CYP39A1: variants seen among roughly 807,000 people sequenced by gnomAD.
CYP39A1 encodes 24-hydroxycholesterol 7-alpha-hydroxylase.
A neutral mutation model predicts 58.1 loss-of-function variants in CYP39A1; 49 were observed. The observed-to-expected ratio is 0.84, with a 90% CI of 0.67 to 1.07. The LOEUF (loss-of-function observed/expected upper bound fraction) is 1.07, where lower values mean the gene tolerates loss of function less well. Among genes scored for constraint, CYP39A1 ranks in the 50% least tolerant of loss-of-function variants. The pLI is 0.00. For synonymous variants in CYP39A1, 209 were observed against 187.6 expected, an observed-to-expected ratio of 1.11 and a Z score of -0.93; for missense variants, 531 against 539.4, an observed-to-expected ratio of 0.98 and a Z score of 0.16.
Position 46,619,417 on chromosome 6 carries a change from TG to T in CYP39A1, c.931+6000del, listed in dbSNP as rs530861192. On this transcript the variant is annotated intron_variant, in intron 7 of 11. Transcript: ENST00000275016. Reference sequence around the variant, plus strand: ...TGTTGTTGGAGACGTTGCATTTTGGTGGGGTAAATACATAAATACACAAATA... The same window carrying T: ...TGTTGTTGGAGACGTTGCATTTTGGTGGGTAAATACATAAATACACAAATA... Among the ~76,000 whole-genome samples the T allele has an allele frequency of 6.7e-3, 1,022 of 152,196 alleles. 9 individuals are homozygous for T. Among genetic ancestry groups the T allele is most frequent in the South Asian group, 0.034 (163 of 4,824 alleles).
chr6:46,585,288 G>A (rs1772401172), intron 10 of CYP39A1, among the ~76,000 whole-genome samples: 1 of 151,896 alleles, frequency 6.6e-6, no homozygotes. Context: ...TCCAGGTCAA[G>A]GATGATTACA....
At chr6:46,622,852 A>G (rs781076260) in intron 7 of CYP39A1, among the ~76,000 whole-genome samples, 1 of 152,204 alleles carries the variant, frequency 6.6e-6, no homozygotes, top group Non-Finnish European at 1.5e-5. Context: ...AAGTAAACAA[A>G]TAGAGAACAC....
chr6:46,589,153 A>G (rs766528982), intron 8 of CYP39A1, among the ~76,000 whole-genome samples: 6 of 152,030 alleles, frequency 3.9e-5, no homozygotes, highest in Admixed American at 6.6e-5. Flanking sequence ...AACACCTTAC[A>G]ATTAAAAACA....
intron 6 of CYP39A1, among the ~76,000 whole-genome samples, chr6:46,629,513 A>G (rs1775521880): frequency 6.6e-6 from 1 of 152,176 alleles, no homozygotes; most frequent in Admixed American, 6.5e-5. Context: ...TATCAGATGA[A>G]ATGTATATTC....
rs1225765844 is a variant in CYP39A1 at position 46,642,205 on chromosome 6, C to CT, written c.270dup (p.Val91SerfsTer4). The CT allele has an allele frequency of 1.4e-5, 23 of 1,612,650 alleles. 1 individual carries two copies. The highest frequency in any genetic ancestry group is 1.0e-4 in the Admixed American group (6 of 59,894). On this transcript the variant is annotated frameshift_variant, in exon 2 of 12. Coordinates refer to ENST00000275016, the MANE Select transcript of CYP39A1 (RefSeq NM_016593.5). LOFTEE classifies it high-confidence loss of function. ...TTTTGCACTGCTAGTTCAAAATCTA[C>CT]TTTTTTGGATTTTAGAAACACATTA... is the stretch of plus-strand genomic sequence containing the variant.
chr6:46,647,126 A>G (rs1305813042), intron 1 of CYP39A1, among the ~76,000 whole-genome samples: 2 of 151,746 alleles, frequency 1.3e-5, no homozygotes, highest in Admixed American at 6.6e-5. Flanking sequence ...TTGAAAGTTT[A>G]TCGATTTCAG....
intron 6 of CYP39A1, among the ~76,000 whole-genome samples, chr6:46,629,841 T>C (rs951749475): frequency 6.6e-6 from 1 of 152,214 alleles, no homozygotes; most frequent in Non-Finnish European, 1.5e-5. Context: ...CTTAGGCTAA[T>C]GTGAGAACCT....
intron 10 of CYP39A1, among the ~76,000 whole-genome samples, chr6:46,566,246 T>G (rs1322727390): frequency 6.6e-6 from 1 of 152,154 alleles, no homozygotes; most frequent in Non-Finnish European, 1.5e-5. Context: ...GAGCTAATAG[T>G]TTGGCTATCT....
At chr6:46,564,439 G>A (rs978004583) in intron 10 of CYP39A1, among the ~76,000 whole-genome samples, 3 of 151,808 alleles carry the variant, frequency 2.0e-5, no homozygotes, top group Non-Finnish European at 4.4e-5. Flanking sequence ...CAAGTGATCC[G>A]CCCATCTCAA....
chr6:46,642,961 G>A (rs765148423), intron 1 of CYP39A1, among the ~76,000 whole-genome samples: 1 of 152,104 alleles, frequency 6.6e-6, no homozygotes, highest in Non-Finnish European at 1.5e-5. Context: ...ACGGATGGAG[G>A]TTCCTGCCCT....
chr6:46,634,053 AAAT>A (rs1775814837), intron 5 of CYP39A1, among the ~76,000 whole-genome samples: 1 of 152,242 alleles, frequency 6.6e-6, no homozygotes, highest in Non-Finnish European at 1.5e-5. Flanking sequence ...GTTTTTATTC[AAAT>A]AATGATATGG....
intron 8 of CYP39A1, among the ~76,000 whole-genome samples, chr6:46,594,014 C>T (rs1468697162): frequency 6.6e-6 from 1 of 152,102 alleles, no homozygotes; most frequent in Non-Finnish European, 1.5e-5. Context: ...TAACTTTCTT[C>T]ACATCCTGAA....
rs1265210241 is a variant in CYP39A1, at chr6:46,641,135, C to T, written c.313+1028G>A. 3.9e-5 allele frequency among the ~76,000 whole-genome samples: 6 copies of T among 151,972 alleles called. No homozygotes were observed. In the South Asian group the frequency reaches 1.0e-3, roughly 26 times the overall value. ...CAATGAAATATTTAAACATGAAAGT[C>T]CCCAGAGGAGGCTCAGGTGAAAAAA... On this transcript the variant is annotated intron_variant, in intron 2 of 11. Coordinates refer to ENST00000275016, the MANE Select transcript of CYP39A1 (RefSeq NM_016593.5).
At position 46,599,121 on chromosome 6, in the gene CYP39A1, T is replaced by C. The variant is rs140366751; in HGVS notation, c.932-3001A>G. Among the ~76,000 whole-genome samples the C allele has an allele frequency of 1.1e-3, 165 of 152,276 alleles. 5 individuals carry two copies. The South Asian group carries it at 0.012, about 11-fold the overall frequency. On this transcript the variant is annotated intron_variant, in intron 7 of 11. Coordinates refer to ENST00000275016, the MANE Select transcript of CYP39A1 (RefSeq NM_016593.5). ...TCTGAGGAATTCCTTCCATTATTTG[T>C]TCAGTAGATATCTGCAGAGACTGAG...
At chr6:46,593,180 TTAGA>T (rs1772945726) in intron 8 of CYP39A1, among the ~76,000 whole-genome samples, 1 of 152,108 alleles carries the variant, frequency 6.6e-6, no homozygotes, top group Admixed American at 6.6e-5. Context: ...AAAGAGAATA[TTAGA>T]TAGTTGCGGT....
rs377485909 is a variant in CYP39A1, at chr6:46,589,944, A to G, written c.1066-1815T>C. Among the ~76,000 whole-genome samples the G allele has an allele frequency of 3.9e-5, 6 of 152,226 alleles. No homozygotes were observed. In the East Asian group the frequency reaches 1.2e-3, roughly 29 times the overall value. On this transcript the variant is annotated intron_variant, in intron 8 of 11. Coordinates refer to ENST00000275016, the MANE Select transcript of CYP39A1 (RefSeq NM_016593.5). ...TAAAGCAGGTTAGCAAAGGGAGGAG[A>G]ACTTCATACAGGTCCTCAGTAACAG...
At chr6:46,630,914 G>C (rs1184734588) in intron 6 of CYP39A1, 49 bp downstream of exon 6, 1 of 1,299,340 alleles carries the variant, frequency 7.7e-7, no homozygotes, top group Admixed American at 1.9e-5. Context: ...AAAAAAAGAT[G>C]AAAGGACAGT....
intron 10 of CYP39A1, among the ~76,000 whole-genome samples, chr6:46,567,233 T>G (rs1771341144): frequency 6.6e-6 from 1 of 152,158 alleles, no homozygotes; most frequent in African/African-American, 2.4e-5. Flanking sequence ...TATGTAGGAT[T>G]TGTCTTTCTG....
intron 6 of CYP39A1, 100 bp downstream of exon 6, chr6:46,630,863 G>C: frequency 3.2e-6 from 3 of 939,662 alleles, no homozygotes; most frequent in Non-Finnish European, 4.9e-6. Context: ...TTTCCATAAT[G>C]AGTGATGAGT....
Sources: allele counts gnomAD v4.1 joint callset (sites outside exome capture counted in the v4.1 genomes callset), GRCh38; gene constraint gnomAD v4.1.1; transcripts MANE v1.5; gene names NCBI Gene and HGNC (gene_info 2026-07-23, HGNC 2026-07-21).